The following PLCG2 variants were observed in gnomAD, a reference collection of about 807,000 sequenced individuals.
The protein encoded by PLCG2 is phospholipase C gamma 2.
In PLCG2, 69 loss-of-function variants were observed where a neutral mutation model predicts 175.6. That is an observed-to-expected ratio of 0.39 (90% confidence interval 0.32 to 0.48). The LOEUF is 0.48. Among genes scored for constraint, PLCG2 ranks in the 20% least tolerant of loss-of-function variants. PLCG2 has a pLI of 0.91. For missense variants in PLCG2, 1,798 were observed against 1,650.9 expected (o/e 1.09, Z -1.54); for synonymous variants, 827 against 624.0 (o/e 1.33, Z -4.85).
At chr16:81,743,592 A>T (rs536383088) in intron 1 of PLCG2, among the ~76,000 whole-genome samples, 51 of 152,206 alleles carry the variant, frequency 3.4e-4, no homozygotes, top group Non-Finnish European at 6.6e-4. Flanking sequence ...CCCTGAGCTG[A>T]TGAGAACCAG....
intron 7 of PLCG2, among the ~76,000 whole-genome samples, chr16:81,874,970 T>TA (rs1463967961): frequency 6.9e-6 from 1 of 145,124 alleles, no homozygotes; most frequent in African/African-American, 2.6e-5. Flanking sequence ...TTTTTTTTTT[T>TA]TTTTTTTATT....
chr16:81,855,192 C>CAAA (rs35058756), intron 3 of PLCG2, among the ~76,000 whole-genome samples: 47 of 102,954 alleles, frequency 4.6e-4, no homozygotes, highest in African/African-American at 1.6e-3. Context: ...GACTCTGTCT[C>CAAA]AAAAAAAAAA....
At chr16:81,763,606 C>A (rs183090463) in intron 2 of PLCG2, among the ~76,000 whole-genome samples, 3 of 152,310 alleles carry the variant, frequency 2.0e-5, no homozygotes, top group East Asian at 1.9e-4. Context: ...AAGTTGTGTG[C>A]CTCAAGCCAG....
chr16:81,840,786 C>T (rs1246107815), intron 2 of PLCG2, among the ~76,000 whole-genome samples: 1 of 152,178 alleles, frequency 6.6e-6, no homozygotes, highest in Non-Finnish European at 1.5e-5. Flanking sequence ...GATTGGGGAC[C>T]CCTGTCTTGG....
chr16:81,893,724 C>T lies in PLCG2; in HGVS notation c.1002C>T (p.Asp334=). The change falls in exon 12 of 33, where the codon GAC becomes GAT. Residue 334 remains aspartate (D), a synonymous_variant. Coordinates refer to ENST00000564138, the MANE Select transcript of PLCG2 (RefSeq NM_002661.5). ...TCTCCTGCAGGTACCTTACAGGTGA[C>T]CAGCTGCGGAGCGAGTCGTCCCCAG... ...SSSHNTYLTG[D]QLRSESSPEA... is the part of the protein sequence containing the mutation. 1.9e-6 allele frequency: 3 copies of T among 1,611,550 alleles called. No individual in the cohort carries two copies. The highest frequency in any genetic ancestry group is 2.5e-6 in the Non-Finnish European group (3 of 1,178,730).
At chr16:81,790,510 G>A (rs535166685) in intron 2 of PLCG2, among the ~76,000 whole-genome samples, 3 of 152,278 alleles carry the variant, frequency 2.0e-5, no homozygotes, top group South Asian at 4.1e-4. Flanking sequence ...TGCTGAGAAG[G>A]GTGACGTTTT....
At chr16:81,868,536 A>G (rs1800569258) in intron 5 of PLCG2, among the ~76,000 whole-genome samples, 1 of 152,188 alleles carries the variant, frequency 6.6e-6, no homozygotes, top group Non-Finnish European at 1.5e-5. Context: ...TAGAGTCAGT[A>G]GGAGTCTTGT....
At chr16:81,858,829 C>CT (rs1262898716) in intron 4 of PLCG2, among the ~76,000 whole-genome samples, 8 of 142,788 alleles carry the variant, frequency 5.6e-5, no homozygotes, top group Non-Finnish European at 7.6e-5. Flanking sequence ...TCAAAGTCCT[C>CT]TACTTTTTAC....
At chr16:81,913,781 G>T (rs753116641) in intron 19 of PLCG2, among the ~76,000 whole-genome samples, 5 of 152,160 alleles carry the variant, frequency 3.3e-5, no homozygotes, top group Non-Finnish European at 7.3e-5. Flanking sequence ...CATTCCCTCT[G>T]CCCTGATCCC....
At chr16:81,934,404 A>G (rs753905730) in intron 25 of PLCG2, 25 bp from the exon 26 acceptor site, 6 of 1,453,734 alleles carry the variant, frequency 4.1e-6, no homozygotes, top group Middle Eastern at 1.7e-4. Context: ...GGGGGCGGGC[A>G]CTAAAGACAG....
At chr16:81,869,636 T>C (rs1033873545) in intron 6 of PLCG2, among the ~76,000 whole-genome samples, 4 of 152,242 alleles carry the variant, frequency 2.6e-5, no homozygotes, top group Admixed American at 6.5e-5. Context: ...TGTATGTCTT[T>C]TGGAAAATAT....
At chr16:81,949,427 G>T (rs185424196) in intron 31 of PLCG2, among the ~76,000 whole-genome samples, 1 of 152,324 alleles carries the variant, frequency 6.6e-6, no homozygotes, top group East Asian at 1.9e-4. Context: ...TCTAATATCA[G>T]ACTTGTCCTC....
At chr16:81,832,586 T>C (rs1905305858) in intron 2 of PLCG2, among the ~76,000 whole-genome samples, 1 of 152,184 alleles carries the variant, frequency 6.6e-6, no homozygotes, top group African/African-American at 2.4e-5. Context: ...GTATTTTTTG[T>C]GGAGATGGGA....
intron 18 of PLCG2, among the ~76,000 whole-genome samples, chr16:81,911,183 A>C (rs2143659294): frequency 6.6e-6 from 1 of 152,306 alleles, no homozygotes; most frequent in East Asian, 1.9e-4. Context: ...TTTTAGGCAG[A>C]AAGCTGCAAA....
intron 19 of PLCG2, among the ~76,000 whole-genome samples, chr16:81,916,995 C>T (rs1484615950): frequency 2.0e-5 from 3 of 152,138 alleles, no homozygotes; most frequent in Non-Finnish European, 4.4e-5. Flanking sequence ...TGCACTTACT[C>T]CTCTTGTCTA....
chr16:81,923,684 C>T lies in PLCG2; in HGVS notation c.2417+90C>T, dbSNP rs1296173553. The T allele has an allele frequency of 4.0e-6, 3 of 750,478 alleles. No individual in the cohort carries two copies. The East Asian group carries it at 8.0e-5, about 20-fold the overall frequency. The allele number at this position is 750,478 out of a possible 1,614,324, so 46.5% of individuals were successfully genotyped here. ...GACTCAGGTGCTGGCCAAGTCTGAC[C>T]CCCTTTGTCATCCTGGGCTGGCTTT... On this transcript the variant is annotated intron_variant, in intron 22 of 32. Coordinates refer to ENST00000564138, the MANE Select transcript of PLCG2 (RefSeq NM_002661.5).
chr16:81,883,943 C>T (rs182620090), intron 9 of PLCG2, among the ~76,000 whole-genome samples: 61 of 152,310 alleles, frequency 4.0e-4, no homozygotes, highest in African/African-American at 1.4e-3. Flanking sequence ...TGTCCAGAGA[C>T]GACATGGGTG....
chr16:81,907,672 T>C lies in PLCG2; in HGVS notation c.1468-13T>C, dbSNP rs1319405907. On this transcript the variant is annotated splice_polypyrimidine_tract_variant and intron_variant, in intron 15 of 32. Transcript: ENST00000564138. ...AGGACTTGGGGGGCACTAATACCAG[T>C]TTCACTTTCTAGAAATGGACTCGGC... 2 of 1,606,462 alleles carry C rather than the reference T, an allele frequency of 1.2e-6. No homozygotes were observed.
chr16:81,778,126 A>G (rs546766495), upstream of PLCG2, among the ~76,000 whole-genome samples: 27 of 152,108 alleles, frequency 1.8e-4, no homozygotes, highest in African/African-American at 5.8e-4. Flanking sequence ...CTGTGATCCC[A>G]GTGCTTTGGG....
Sources: allele counts gnomAD v4.1 joint callset (sites outside exome capture counted in the v4.1 genomes callset), GRCh38; gene constraint gnomAD v4.1.1; transcripts MANE v1.5; gene names NCBI Gene and HGNC (gene_info 2026-07-23, HGNC 2026-07-21).